L3MBTL4: variants seen among roughly 807,000 people sequenced by gnomAD.
L3MBTL4 encodes the protein lethal(3)malignant brain tumor-like protein 4.
Under a neutral mutation model 84.5 loss-of-function variants are expected in L3MBTL4, and 70 were observed. The observed-to-expected ratio is 0.83, with a 90% confidence interval of 0.68 to 1.01. The LOEUF (loss-of-function observed/expected upper bound fraction) is 1.01. Ranked by LOEUF, L3MBTL4 falls within the 50% of genes least tolerant of loss-of-function variation. L3MBTL4 has a pLI of 0.00. For missense variants in L3MBTL4, 715 were observed against 754.8 expected, an observed-to-expected ratio of 0.95 and a Z score of 0.62; for synonymous variants, 274 against 259.8, an observed-to-expected ratio of 1.05 and a Z score of -0.52.
chr18:6,243,316 T>C lies in L3MBTL4; in HGVS notation c.438A>G (p.Lys146=), dbSNP rs781271443. 1 of 1,598,366 alleles carries C rather than the reference T, an allele frequency of 6.3e-7. No individual in the cohort carries two copies. Among genetic ancestry groups the C allele is most frequent in the Middle Eastern group, 1.7e-4 (1 of 6,036 alleles). Residue 146 remains lysine (K), a synonymous_variant, in exon 7 of 19, where the codon AAA becomes AAG. Coordinates refer to ENST00000317931, the MANE Select transcript of L3MBTL4 (RefSeq NM_001330559.2). ...IHPVGWCEKT[K]HELHIPKGYR... is the part of the protein sequence containing the mutation. ...TACCCTTAGGGATGTGCAGTTCATGTTTGGTCTTTTCACACCATCCTACTG... is the reference window on the plus strand; with the variant it reads ...TACCCTTAGGGATGTGCAGTTCATGCTTGGTCTTTTCACACCATCCTACTG...
At chr18:6,070,768 G>A (rs528019517) in intron 16 of L3MBTL4, among the ~76,000 whole-genome samples, 1 of 152,216 alleles carries the variant, frequency 6.6e-6, no homozygotes, top group Non-Finnish European at 1.5e-5. Flanking sequence ...AGCCCCGCAG[G>A]TTGAGGCTGC....
At chr18:6,378,005 C>T (rs565051008) in intron 1 of L3MBTL4, among the ~76,000 whole-genome samples, 10 of 152,118 alleles carry the variant, frequency 6.6e-5, no homozygotes, top group African/African-American at 9.7e-5. Flanking sequence ...TTTTAATGAT[C>T]GCCATTCTAA....
At chr18:6,304,354 C>G (rs934436571) in intron 3 of L3MBTL4, among the ~76,000 whole-genome samples, 2 of 152,188 alleles carry the variant, frequency 1.3e-5, no homozygotes, top group African/African-American at 4.8e-5. Context: ...TGCTTTTCTG[C>G]CTGGTAGATT....
At chr18:6,263,909 T>G (rs371551355) in intron 5 of L3MBTL4, 38 bp downstream of exon 5, 12 of 1,376,062 alleles carry the variant, frequency 8.7e-6, no homozygotes, top group South Asian at 1.2e-5. Flanking sequence ...TCTTAAGTGT[T>G]GCTTCCTTGC....
chr18:6,172,659 A>G (rs2044033134), intron 12 of L3MBTL4, among the ~76,000 whole-genome samples: 1 of 152,156 alleles, frequency 6.6e-6, no homozygotes, highest in Non-Finnish European at 1.5e-5. Flanking sequence ...ACACACACAC[A>G]CATACCATGC....
chr18:6,374,255 T>C (rs2054276353), intron 1 of L3MBTL4: 1 of 152,714 alleles, frequency 6.5e-6, no homozygotes, highest in South Asian at 2.1e-4. Flanking sequence ...CTCTGGTTCT[T>C]TTTTGTGTAA....
In L3MBTL4 at chr18:6,071,062, C is replaced by T. The variant is rs2057574941; in HGVS notation, c.1444+9819G>A. ...TACAGCAAAAATATAAAATTGAATA[C>T]AAACTACTGAGAAAAATAGAAAACA... On this transcript the variant is annotated intron_variant, in intron 16 of 18. Transcript: ENST00000317931. Among the ~76,000 whole-genome samples, 4 of 151,962 alleles carry T rather than the reference C, an allele frequency of 2.6e-5. No homozygotes were observed. The South Asian group carries it at 8.3e-4, about 31-fold the overall frequency.
At chr18:6,383,820 T>C (rs1363117507) in intron 1 of L3MBTL4, among the ~76,000 whole-genome samples, 1 of 152,238 alleles carries the variant, frequency 6.6e-6, no homozygotes, top group African/African-American at 2.4e-5. Flanking sequence ...GTAAGTTTCT[T>C]GTACAATCTG....
intron 1 of L3MBTL4, among the ~76,000 whole-genome samples, chr18:6,323,203 A>G (rs1358644848): frequency 6.6e-6 from 1 of 152,192 alleles, no homozygotes; most frequent in Non-Finnish European, 1.5e-5. Flanking sequence ...TAAATTACCC[A>G]GTCTCAGGTA....
At chr18:6,115,872 C>G (rs977785863) in intron 14 of L3MBTL4, among the ~76,000 whole-genome samples, 1 of 152,170 alleles carries the variant, frequency 6.6e-6, no homozygotes, top group African/African-American at 2.4e-5. Flanking sequence ...CAAGTCAATA[C>G]AGATGCCCTG....
chr18:6,194,930 A>G (rs1380582626), intron 12 of L3MBTL4, among the ~76,000 whole-genome samples: 1 of 152,262 alleles, frequency 6.6e-6, no homozygotes, highest in East Asian at 1.9e-4. Flanking sequence ...CAAAACAGAC[A>G]GACCTACATG....
At chr18:6,375,977 T>A (rs956144594) in intron 1 of L3MBTL4, among the ~76,000 whole-genome samples, 3 of 152,148 alleles carry the variant, frequency 2.0e-5, no homozygotes, top group African/African-American at 4.8e-5. Context: ...GGCTAAGAAC[T>A]CATCCCTGCC....
intron 16 of L3MBTL4, among the ~76,000 whole-genome samples, chr18:5,976,855 T>C (rs533189933): frequency 6.6e-6 from 1 of 152,300 alleles, no homozygotes; most frequent in African/African-American, 2.4e-5. Flanking sequence ...CCACTTTCTC[T>C]AAAAGTGTCG....
intron 14 of L3MBTL4, among the ~76,000 whole-genome samples, chr18:6,121,681 T>C (rs2059531514): frequency 6.9e-6 from 1 of 144,622 alleles, no homozygotes; most frequent in South Asian, 2.2e-4. Context: ...TAGCATTGTT[T>C]CCCCGTGTGT....
chr18:6,196,051 G>A (rs1056579923), intron 12 of L3MBTL4, among the ~76,000 whole-genome samples: 5 of 151,390 alleles, frequency 3.3e-5, no homozygotes, highest in Non-Finnish European at 2.9e-5. Flanking sequence ...CAGCCAGAGC[G>A]CCTGCCACAC....
At chr18:5,963,524 T>A (rs1303330195) in intron 17 of L3MBTL4, among the ~76,000 whole-genome samples, 2 of 152,210 alleles carry the variant, frequency 1.3e-5, no homozygotes, top group East Asian at 3.8e-4. Flanking sequence ...CCTCCTCGGC[T>A]TCACACTCCT....
chr18:5,996,480 C>CTAA (rs774489574), intron 16 of L3MBTL4, among the ~76,000 whole-genome samples: 1 of 152,142 alleles, frequency 6.6e-6, no homozygotes, highest in Non-Finnish European at 1.5e-5. Flanking sequence ...GGGGTCTGGG[C>CTAA]TAAGAAACAC....
chr18:5,975,041 A>G (rs1391296118), intron 16 of L3MBTL4, among the ~76,000 whole-genome samples: 1 of 152,152 alleles, frequency 6.6e-6, no homozygotes, highest in African/African-American at 2.4e-5. Flanking sequence ...TGAAAATAAC[A>G]TAATGGTAGG....
chr18:6,412,672 C>T (rs2056017984), intron 1 of L3MBTL4, among the ~76,000 whole-genome samples: 1 of 152,128 alleles, frequency 6.6e-6, no homozygotes, highest in Non-Finnish European at 1.5e-5. Context: ...CAGTTGTCTG[C>T]TCACATACGG....
Sources: gnomAD v4.1 joint callset for allele counts (sites outside exome capture counted in the v4.1 genomes callset) on GRCh38, gnomAD v4.1.1 for gene constraint, MANE v1.5 for transcripts, NCBI Gene and HGNC (gene_info 2026-07-23, HGNC 2026-07-21) for gene names.